Variants in LANCL2 observed in about 807,000 individuals in gnomAD.
LANCL2 encodes the protein lanC-like protein 2.
In LANCL2, 33 loss-of-function variants were observed where a neutral mutation model predicts 56.9. The observed-to-expected ratio is 0.58, with a 90% CI of 0.44 to 0.78. LANCL2 has a LOEUF of 0.78. Among genes scored for constraint, LANCL2 ranks in the 30% least tolerant of loss-of-function variants. The pLI is 0.00. For synonymous variants in LANCL2, 233 were observed against 228.2 expected (o/e 1.02, Z -0.19); for missense variants, 562 against 580.2 (o/e 0.97, Z 0.32).
At chr7:55,420,010 G>A (rs1242421408) in intron 6 of LANCL2, among the ~76,000 whole-genome samples, 2 of 152,044 alleles carry the variant, frequency 1.3e-5, no homozygotes, top group South Asian at 4.2e-4. Flanking sequence ...AAATTATCTG[G>A]GCATGGTGGT....
At chr7:55,384,350 G>A (rs1422786989) in intron 1 of LANCL2, among the ~76,000 whole-genome samples, 5 of 152,178 alleles carry the variant, frequency 3.3e-5, no homozygotes, top group South Asian at 2.1e-4. Context: ...TCAGGAGATC[G>A]AGATCATCCT....
At chr7:55,375,793 A>G (rs1027564230) in intron 1 of LANCL2, among the ~76,000 whole-genome samples, 3 of 152,128 alleles carry the variant, frequency 2.0e-5, no homozygotes, top group Non-Finnish European at 2.9e-5. Flanking sequence ...CAGCTCATTG[A>G]AGCTGTTGGC....
intron 7 of LANCL2, among the ~76,000 whole-genome samples, chr7:55,427,214 C>A (rs796687051): frequency 2.7e-4 from 41 of 152,306 alleles, no homozygotes; most frequent in African/African-American, 9.4e-4. Flanking sequence ...GGGAAGCTTT[C>A]AAATCATGCC....
intron 6 of LANCL2, among the ~76,000 whole-genome samples, chr7:55,413,748 C>T (rs962432740): frequency 6.6e-6 from 1 of 152,206 alleles, no homozygotes; most frequent in Non-Finnish European, 1.5e-5. Flanking sequence ...AAACAAATTT[C>T]TCTCCTCCAG....
intron 7 of LANCL2, among the ~76,000 whole-genome samples, chr7:55,426,281 G>T (rs1264487581): frequency 6.6e-6 from 1 of 152,222 alleles, no homozygotes; most frequent in Admixed American, 6.5e-5. Flanking sequence ...TAGAAACTCA[G>T]TAAACATGCA....
intron 8 of LANCL2, among the ~76,000 whole-genome samples, chr7:55,429,337 T>C (rs959373606): frequency 2.0e-5 from 3 of 152,370 alleles, no homozygotes; most frequent in Admixed American, 1.3e-4. Context: ...TTAAAATAAA[T>C]TCCGTTTTTA....
chr7:55,377,088 T>C (rs991389780), intron 1 of LANCL2, among the ~76,000 whole-genome samples: 11 of 152,194 alleles, frequency 7.2e-5, no homozygotes, highest in Non-Finnish European at 1.5e-4. Flanking sequence ...TAACAGTTGT[T>C]AGAGTGTTGA....
chr7:55,425,955 C>T, intron 7 of LANCL2, among the ~76,000 whole-genome samples: 1 of 152,214 alleles, frequency 6.6e-6, no homozygotes, highest in Non-Finnish European at 1.5e-5. Context: ...CCTTGCCTTA[C>T]CCTGCCCTCT....
Position 55,366,223 on chromosome 7 carries a change from C to A in LANCL2, c.198C>A (p.Asp66Glu). The change falls in exon 1 of 9, where the codon GAC becomes GAA. Residue 66 changes from aspartate (D) to glutamate (E), a missense_variant. By Grantham distance (45) the Asp-to-Glu change is conservative (BLOSUM62 2). Around this residue, in one of 2 missense-constraint regions of LANCL2, gnomAD observed 184 missense variants for 111.8 expected, o/e 1.65. Transcript: ENST00000254770. ...AGCCCGGCCTCCCTTTTCATCAGGA[C>A]GGGAAGGTGAGTCGGCGGCCTGGCC... The part of the protein sequence containing the change: ...TDEPGLPFHQ[D>E]GKIIHNFIRR... 1 of 1,511,076 alleles carries A rather than the reference C, an allele frequency of 6.6e-7. No homozygotes were observed. Among genetic ancestry groups the A allele is most frequent in the Non-Finnish European group, 8.9e-7 (1 of 1,124,304 alleles). 93.6% of individuals were successfully genotyped at this position (1,511,076 alleles called of 1,614,324 possible). A position where few individuals can be genotyped will look rare whatever the true frequency, so the allele number is the denominator to read the frequency against.
intron 6 of LANCL2, among the ~76,000 whole-genome samples, chr7:55,414,889 T>C (rs1583762128): frequency 7.1e-6 from 1 of 140,250 alleles, no homozygotes; most frequent in African/African-American, 2.7e-5. Context: ...GAGGCTGAGG[T>C]GGAAGGATGG....
chr7:55,411,919 G>A lies in LANCL2; in HGVS notation c.838G>A (p.Val280Met). ...YYMLMQPAAKVDQETLTEMVK... is the reference protein window; with the variant it reads ...YYMLMQPAAKMDQETLTEMVK... ...TGTTTGTTTAAAGCCGGCAGCAAAA[G>A]TGGACCAAGAAACCTTGACAGAAAT... The change falls in exon 6 of 9, where the codon GTG becomes ATG. Residue 280 changes from valine (V) to methionine (M), a missense_variant. Physicochemically the swap from Val to Met is conservative, Grantham distance 21 (BLOSUM62 1). Coordinates refer to ENST00000254770, the MANE Select transcript of LANCL2 (RefSeq NM_018697.4). 1.2e-6 allele frequency: 2 copies of A among 1,610,812 alleles called. No individual in the cohort carries two copies. The highest frequency in any genetic ancestry group is 8.5e-7 in the Non-Finnish European group (1 of 1,177,974).
intron 2 of LANCL2, among the ~76,000 whole-genome samples, chr7:55,396,030 T>C (rs965889223): frequency 6.6e-6 from 1 of 152,254 alleles, no homozygotes; most frequent in African/African-American, 2.4e-5. Flanking sequence ...ATGGTGTTTT[T>C]GTATCTAAAC....
chr7:55,390,513 G>A lies in LANCL2; in HGVS notation c.205-1280G>A, dbSNP rs186328739. On this transcript the variant is annotated intron_variant, in intron 1 of 8. Coordinates refer to ENST00000254770, the MANE Select transcript of LANCL2 (RefSeq NM_018697.4). ...CCCAGTTACTCAGGAGGCTGAGGCA[G>A]GAGAATCGCTTGAAGCCAGGAGGCA... Among the ~76,000 whole-genome samples the A allele has an allele frequency of 7.3e-3, 1,105 of 152,306 alleles. 10 individuals are homozygous for A. Among genetic ancestry groups the A allele is most frequent in the African/African-American group, 0.024 (985 of 41,570 alleles).
At chr7:55,386,469 G>C (rs1350716646) in intron 1 of LANCL2, among the ~76,000 whole-genome samples, 10 of 152,308 alleles carry the variant, frequency 6.6e-5, no homozygotes, top group African/African-American at 2.4e-4. Flanking sequence ...AAGGCTTGCT[G>C]GGATTGGTTT....
At chr7:55,401,451 C>T in intron 5 of LANCL2, 131 bp downstream of exon 5, 1 of 533,288 alleles carries the variant, frequency 1.9e-6, no homozygotes, top group East Asian at 4.0e-5. Flanking sequence ...AACTCTGCCA[C>T]ATAAACCACA....
chr7:55,388,261 A>G (rs1195766314), intron 1 of LANCL2, among the ~76,000 whole-genome samples: 1 of 152,182 alleles, frequency 6.6e-6, no homozygotes, highest in Admixed American at 6.5e-5. Context: ...GAAGAAAGGA[A>G]TGGGCCGGGC....
At chr7:55,368,506 A>G (rs1225584745) in intron 1 of LANCL2, among the ~76,000 whole-genome samples, 1 of 152,244 alleles carries the variant, frequency 6.6e-6, no homozygotes, top group East Asian at 1.9e-4. Flanking sequence ...CTTCTTGGTT[A>G]TTGGAAAGTC....
intron 6 of LANCL2, 24 bp downstream of exon 6, chr7:55,412,113 C>T (rs763820320): frequency 2.1e-5 from 33 of 1,594,708 alleles, no homozygotes; most frequent in Non-Finnish European, 2.5e-5. Flanking sequence ...CCGTCACGGC[C>T]GTCCCCTGTG....
chr7:55,370,113 GGA>G (rs1420506166), intron 1 of LANCL2, among the ~76,000 whole-genome samples: 1 of 152,114 alleles, frequency 6.6e-6, no homozygotes, highest in African/African-American at 2.4e-5. Flanking sequence ...GGCTTAACTG[GGA>G]GAGAGAATCT....
Sources: allele counts gnomAD v4.1 joint callset (sites outside exome capture counted in the v4.1 genomes callset), GRCh38; gene constraint gnomAD v4.1.1; regional missense constraint gnomAD v4.1.1; transcripts MANE v1.5; gene names NCBI Gene and HGNC (gene_info 2026-07-23, HGNC 2026-07-21).